Variants in GLYAT observed in about 807,000 individuals in gnomAD.
GLYAT encodes the protein glycine-N-acyltransferase.
In GLYAT, 25 loss-of-function variants were observed where a neutral mutation model predicts 22.8. That is an observed-to-expected ratio of 1.09 (90% CI 0.80 to 1.53). The LOEUF is 1.53. Among genes scored for constraint, GLYAT ranks in the 40% most tolerant of loss-of-function variants. GLYAT has a pLI of 0.00. For synonymous variants in GLYAT, 140 were observed against 122.7 expected, an observed-to-expected ratio of 1.14 and a Z score of -0.93; for missense variants, 411 against 353.9, an observed-to-expected ratio of 1.16 and a Z score of -1.29.
At chr11:58,731,551 T>TA (rs569015780) in intron 1 of GLYAT, among the ~76,000 whole-genome samples, 1 of 152,138 alleles carries the variant, frequency 6.6e-6, no homozygotes, top group African/African-American at 2.4e-5. Context: ...ATAATTACAT[T>TA]AAAAAAATAA....
At chr11:58,711,051 C>A (rs971493649) in intron 4 of GLYAT, among the ~76,000 whole-genome samples, 2 of 152,144 alleles carry the variant, frequency 1.3e-5, no homozygotes, top group African/African-American at 4.8e-5. Context: ...ATAAAGAAAT[C>A]AATGTACTTT....
intron 1 of GLYAT, among the ~76,000 whole-genome samples, chr11:58,726,908 A>T (rs1381700362): frequency 6.6e-6 from 1 of 152,140 alleles, no homozygotes. Flanking sequence ...GACATAAAGG[A>T]GGAACCTCTG....
chr11:58,715,235 C>T lies in GLYAT; in HGVS notation c.189+81G>A. ...TTACTATGATTTACTTCTGCATGCC[C>T]TGGCTCTACCATATTGCTAAGAATG... is the stretch of plus-strand genomic sequence containing the variant. On this transcript the variant is annotated intron_variant, in intron 3 of 5. Transcript: ENST00000344743. 3 of 693,080 alleles carry T rather than the reference C, an allele frequency of 4.3e-6. No homozygotes were observed. The South Asian group carries it at 5.3e-5, about 12-fold the overall frequency. 42.9% of individuals were successfully genotyped at this position (693,080 alleles called of 1,614,324 possible). A position where few individuals can be genotyped will look rare whatever the true frequency, so the allele number is the denominator to read the frequency against.
chr11:58,713,913 CAAAT>C (rs1161131645), intron 3 of GLYAT, among the ~76,000 whole-genome samples: 5 of 151,920 alleles, frequency 3.3e-5, no homozygotes, highest in Non-Finnish European at 2.9e-5. Flanking sequence ...TTTTGATTGG[CAAAT>C]AAATGATTGC....
At chr11:58,724,689 GT>G (rs994923851) in intron 1 of GLYAT, among the ~76,000 whole-genome samples, 178 bp from the exon 2 acceptor site, 3 of 151,924 alleles carry the variant, frequency 2.0e-5, no homozygotes, top group Non-Finnish European at 2.9e-5. Flanking sequence ...CTTTCTCTGA[GT>G]TTTTTAGCTC....
intron 1 of GLYAT, among the ~76,000 whole-genome samples, chr11:58,728,196 G>T (rs1856829871): frequency 6.6e-6 from 1 of 150,958 alleles, no homozygotes; most frequent in Admixed American, 6.6e-5. Flanking sequence ...CTGAGTAGCT[G>T]GGATTACAGG....
rs543356403 is a variant in GLYAT at position 58,730,791 on chromosome 11, A to G, written c.-16+1044T>C. ...ATACAAAACAAAACAAAAACTCTAA[A>G]CAGAATTTTATAAAGTCACATGAAC... On this transcript the variant is annotated intron_variant, in intron 1 of 5. Coordinates refer to ENST00000344743, the MANE Select transcript of GLYAT (RefSeq NM_201648.3). Among the ~76,000 whole-genome samples the G allele has an allele frequency of 2.0e-5, 3 of 152,320 alleles. No individual in the cohort carries two copies. In the East Asian group the frequency reaches 5.8e-4, roughly 29 times the overall value.
Position 58,728,425 on chromosome 11 carries a change from G to A in GLYAT, c.-16+3410C>T, listed in dbSNP as rs1276227312. Among the ~76,000 whole-genome samples the A allele has an allele frequency of 2.6e-5, 4 of 151,912 alleles. No homozygotes were observed. In the East Asian group the frequency reaches 7.7e-4, roughly 29 times the overall value. On this transcript the variant is annotated intron_variant, in intron 1 of 5. Coordinates refer to ENST00000344743, the MANE Select transcript of GLYAT (RefSeq NM_201648.3). ...GCCTTGGTCTGTCCTTCCACCTTATGCCCCTCAGTTGAATTCTTTCTTCTA... is the reference window on the plus strand; with the variant it reads ...GCCTTGGTCTGTCCTTCCACCTTATACCCCTCAGTTGAATTCTTTCTTCTA...
chr11:58,720,803 T>C (rs998431101), intron 2 of GLYAT, among the ~76,000 whole-genome samples: 6 of 152,018 alleles, frequency 3.9e-5, no homozygotes, highest in East Asian at 1.9e-4. Context: ...TGACAACTTA[T>C]AGTATTTGGC....
chr11:58,719,094 T>C (rs926179937), intron 2 of GLYAT, among the ~76,000 whole-genome samples: 1 of 151,946 alleles, frequency 6.6e-6, no homozygotes, highest in Non-Finnish European at 1.5e-5. Context: ...ATTAATCAGG[T>C]CAGAAAAAGA....
rs755459030 is a variant in GLYAT, at chr11:58,712,839, G to A, written c.237C>T (p.Tyr79=). ...LDHYTNTYQI[Y]SKDPQNCQEF... ...CCTGACAGTTTTGGGGATCTTTGGA[G>A]TAGATTTGGTAAGTATTGGTATAGT... Residue 79 remains tyrosine (Y), a synonymous_variant, in exon 4 of 6, where the codon TAC becomes TAT. Coordinates refer to ENST00000344743, the MANE Select transcript of GLYAT (RefSeq NM_201648.3). 1 of 1,607,210 alleles carries A rather than the reference G, an allele frequency of 6.2e-7. No individual in the cohort carries two copies. The highest frequency in any genetic ancestry group is 1.1e-5 in the South Asian group (1 of 90,962).
chr11:58,711,632 T>C (rs1011648879), intron 4 of GLYAT, among the ~76,000 whole-genome samples: 2 of 152,184 alleles, frequency 1.3e-5, no homozygotes, highest in Non-Finnish European at 2.9e-5. Context: ...GCAATTTTGA[T>C]AATCCTAGTA....
At chr11:58,717,460 TA>T (rs1856697924) in intron 2 of GLYAT, among the ~76,000 whole-genome samples, 1 of 152,066 alleles carries the variant, frequency 6.6e-6, no homozygotes, top group South Asian at 2.1e-4. Flanking sequence ...AGGTTGCTGT[TA>T]TTTTTTTCTG....
At chr11:58,728,869 AGAAAGAAAGAAAGAAAGAAAGAAG>A (rs1451495369) in intron 1 of GLYAT, 1 of 106,782 alleles carries the variant, frequency 9.4e-6, no homozygotes, top group Non-Finnish European at 2.0e-5. Flanking sequence ...AAAGAAAGAA[AGAAAGAAAGAAAGAAAGAAAGAAG>A]GAAGGAAGGA....
chr11:58,724,618 C>G (rs140628101), intron 1 of GLYAT, 107 bp from the exon 2 acceptor site: 1 of 468,812 alleles, frequency 2.1e-6, no homozygotes, highest in African/African-American at 2.0e-5. Context: ...TTTTTAGTGC[C>G]TTTCAACTGC....
At chr11:58,714,159 G>A (rs1471081454) in intron 3 of GLYAT, among the ~76,000 whole-genome samples, 2 of 152,070 alleles carry the variant, frequency 1.3e-5, no homozygotes, top group Non-Finnish European at 2.9e-5. Flanking sequence ...AGGTAAGGTG[G>A]GGGAAAGTAG....
intron 3 of GLYAT, among the ~76,000 whole-genome samples, chr11:58,714,365 C>G (rs564477297): frequency 6.6e-6 from 1 of 152,220 alleles, no homozygotes; most frequent in South Asian, 2.1e-4. Context: ...ACTTTATTAG[C>G]ATTAAAAGTA....
chr11:58,725,322 T>C (rs1158284121), intron 1 of GLYAT, among the ~76,000 whole-genome samples: 3 of 152,146 alleles, frequency 2.0e-5, no homozygotes, highest in Admixed American at 6.6e-5. Context: ...CTGCATCAAA[T>C]TGGGATTACC....
intron 2 of GLYAT, among the ~76,000 whole-genome samples, chr11:58,720,342 A>G (rs1285868008): frequency 2.6e-5 from 4 of 152,036 alleles, no homozygotes; most frequent in Non-Finnish European, 4.4e-5. Context: ...TATTTATCCA[A>G]TTACATTACC....
Sources: gnomAD v4.1 joint callset for allele counts (sites outside exome capture counted in the v4.1 genomes callset) on GRCh38, gnomAD v4.1.1 for gene constraint, MANE v1.5 for transcripts, NCBI Gene and HGNC (gene_info 2026-07-23, HGNC 2026-07-21) for gene names.